MAST4: variants seen among roughly 807,000 people sequenced by gnomAD.
MAST4 encodes the protein microtubule-associated serine/threonine-protein kinase 4.
MAST4 carries 89 observed loss-of-function variants against 162.7 expected under a neutral mutation model. The observed-to-expected ratio is 0.55, with a 90% CI of 0.46 to 0.65. The LOEUF (loss-of-function observed/expected upper bound fraction) is 0.65. Among genes scored for constraint, MAST4 ranks in the 30% least tolerant of loss-of-function variants. The pLI is 0.00. For synonymous variants in MAST4, 1,479 were observed against 1,361.1 expected (o/e 1.09, Z -1.91); for missense variants, 3,153 against 3,374.0 (o/e 0.93, Z 1.62).
chr5:66,842,540 G>C (rs1580613761), intron 3 of MAST4, among the ~76,000 whole-genome samples: 1 of 151,976 alleles, frequency 6.6e-6, no homozygotes, highest in East Asian at 1.9e-4. Context: ...GGTAGCTCCT[G>C]GTATTGTATG....
At chr5:66,766,011 T>C (rs1484431750) in intron 2 of MAST4, among the ~76,000 whole-genome samples, 1 of 152,188 alleles carries the variant, frequency 6.6e-6, no homozygotes, top group Non-Finnish European at 1.5e-5. Context: ...TGACTGAGCT[T>C]TGGAGCCCCC....
At chr5:66,607,505 C>G (rs998949243) in intron 1 of MAST4, among the ~76,000 whole-genome samples, 2 of 152,080 alleles carry the variant, frequency 1.3e-5, no homozygotes, top group African/African-American at 4.8e-5. Flanking sequence ...GCATTTTTGG[C>G]CACATGTTAA....
chr5:66,825,833 G>T (rs1407156216), intron 3 of MAST4, among the ~76,000 whole-genome samples: 2 of 152,070 alleles, frequency 1.3e-5, no homozygotes, highest in Non-Finnish European at 2.9e-5. Flanking sequence ...CAGATTTTAT[G>T]ATTTGAATAC....
intron 5 of MAST4, among the ~76,000 whole-genome samples, chr5:67,059,888 C>T (rs1374111828): frequency 1.3e-5 from 2 of 152,064 alleles, no homozygotes; most frequent in Admixed American, 6.5e-5. Flanking sequence ...CTGCTTGTTT[C>T]GGGTAGGCAC....
At chr5:66,748,436 C>CCTCTCTCCCTCCCTCCCTCA (rs1752912023) in intron 1 of MAST4, among the ~76,000 whole-genome samples, 6 of 5,414 alleles carry the variant, frequency 1.1e-3, no homozygotes, top group Non-Finnish European at 1.8e-3. Flanking sequence ...TCCCTCCCTC[C>CCTCTCTCCCTCCCTCCCTCA]CTCCCTCTCT....
At chr5:66,982,567 T>C (rs1162653872) in intron 4 of MAST4, among the ~76,000 whole-genome samples, 1 of 152,140 alleles carries the variant, frequency 6.6e-6, no homozygotes, top group Non-Finnish European at 1.5e-5. Context: ...AAAAAGCACT[T>C]AAAGAGCTGA....
In MAST4 at chr5:66,596,847, G is replaced by T. The variant is rs751776165; in HGVS notation, c.192G>T (p.Pro64=). 1.5e-5 allele frequency: 19 copies of T among 1,296,372 alleles called. No individual in the cohort carries two copies. The highest frequency in any genetic ancestry group is 5.2e-4 in the Middle Eastern group (2 of 3,848). 80.3% of individuals were successfully genotyped at this position (1,296,372 alleles called of 1,614,324 possible). A position where few individuals can be genotyped will look rare whatever the true frequency, so the allele number is the denominator to read the frequency against. Residue 64 remains proline (P), a synonymous_variant, in exon 1 of 29, where the codon CCG becomes CCT. Transcript: ENST00000403625. ...GCTTCTCCAGAGAGCATCAGCCGCC[G>T]CCGCCGCCGCCGTTGGGAGGCACCC... ...PGGFSREHQP[P]PPPPLGGTLG...
rs1299215492 is a variant in MAST4 at position 67,160,533 on chromosome 5, C to G, written c.3726C>G (p.Ser1242Arg). 1.2e-6 allele frequency: 2 copies of G among 1,613,874 alleles called. No homozygotes were observed. The highest frequency in any genetic ancestry group is 1.7e-6 in the Non-Finnish European group (2 of 1,179,842). The stretch of plus-strand genomic sequence containing the variant: ...AAACTGGACCAGCCAGGAGAAACAG[C>G]TATAAGAGCCGGATGGTGAGGCGGA... Reference protein sequence around the residue: ...SIKTGPARRNSYKSRMVRRSK... With the variant: ...SIKTGPARRNRYKSRMVRRSK... The change falls in exon 27 of 29, where the codon AGC becomes AGG. Residue 1242 changes from serine (S) to arginine (R), a missense_variant. By Grantham distance (110) the Ser-to-Arg change is moderately radical (BLOSUM62 -1). Coordinates refer to ENST00000403625, the MANE Select transcript of MAST4 (RefSeq NM_001164664.2).
intron 2 of MAST4, among the ~76,000 whole-genome samples, chr5:66,770,852 G>C (rs1009044065): frequency 1.3e-5 from 2 of 152,204 alleles, no homozygotes; most frequent in African/African-American, 2.4e-5. Flanking sequence ...CTGAGTGTTA[G>C]TTAATGTTTT....
chr5:66,689,527 C>T (rs1748903381), intron 1 of MAST4, among the ~76,000 whole-genome samples: 1 of 152,116 alleles, frequency 6.6e-6, no homozygotes, highest in African/African-American at 2.4e-5. Context: ...CTTCGTAAAC[C>T]TACCAGTGCT....
intron 1 of MAST4, among the ~76,000 whole-genome samples, chr5:66,654,617 A>C (rs7708081): frequency 0.56 from 85,752 of 152,062 alleles, 24,354 homozygotes; most frequent in South Asian, 0.68. Flanking sequence ...TTATCAAATA[A>C]AAATTAAGAA....
At chr5:66,828,221 G>A (rs1176040935) in intron 3 of MAST4, among the ~76,000 whole-genome samples, 1 of 152,184 alleles carries the variant, frequency 6.6e-6, no homozygotes, top group Non-Finnish European at 1.5e-5. Context: ...ATGCTGGGAG[G>A]TGTAAAGGGT....
At chr5:67,091,699 A>T (rs1345793168) in intron 6 of MAST4, among the ~76,000 whole-genome samples, 1 of 152,210 alleles carries the variant, frequency 6.6e-6, no homozygotes, top group Non-Finnish European at 1.5e-5. Flanking sequence ...GACAGAAATC[A>T]CGGTATCTTA....
chr5:66,936,375 G>C (rs1242046853), intron 4 of MAST4, among the ~76,000 whole-genome samples: 3 of 152,196 alleles, frequency 2.0e-5, no homozygotes, highest in Non-Finnish European at 4.4e-5. Context: ...GTACGTCCCT[G>C]TGAAGAGACT....
At chr5:66,850,960 ATACATTTGAGAAATGTGTTCTCTTATAAT>A (rs561778058) in intron 3 of MAST4, among the ~76,000 whole-genome samples, 6,214 of 148,116 alleles carry the variant, frequency 0.042, 198 homozygotes, top group South Asian at 0.12. Context: ...AAAAAAATGC[ATACATTTGAGAAATGTGTTCTCTTATAAT>A]GGAGAGAGGG....
chr5:66,992,490 C>T (rs567288871), intron 4 of MAST4, among the ~76,000 whole-genome samples: 12 of 152,286 alleles, frequency 7.9e-5, no homozygotes, highest in African/African-American at 2.9e-4. Context: ...AGACTTTCCC[C>T]ATCACCTATA....
rs1455185883 is a variant in MAST4 at position 67,166,886 on chromosome 5, G to A, written c.7707G>A (p.Gln2569=). ...AAGGGAAGGACCCTGCCCCAGCCCAGCCTCCCCCAGCTAGGAAACAGAACG... is the reference window on the plus strand; with the variant it reads ...AAGGGAAGGACCCTGCCCCAGCCCAACCTCCCCCAGCTAGGAAACAGAACG... ...ETKGKDPAPA[Q]PPPARKQNVG... The change falls in exon 29 of 29, where the codon CAG becomes CAA. Residue 2569 remains glutamine, a synonymous_variant. Coordinates refer to ENST00000403625, the MANE Select transcript of MAST4 (RefSeq NM_001164664.2). The A allele has an allele frequency of 5.6e-6, 9 of 1,610,002 alleles. No homozygotes were observed. The highest frequency in any genetic ancestry group is 7.6e-6 in the Non-Finnish European group (9 of 1,178,518).
chr5:66,627,457 C>T (rs1409684406), intron 1 of MAST4, among the ~76,000 whole-genome samples: 1 of 152,148 alleles, frequency 6.6e-6, no homozygotes, highest in Non-Finnish European at 1.5e-5. Context: ...ATGTGATCAA[C>T]CATGTTCAGT....
intron 4 of MAST4, among the ~76,000 whole-genome samples, chr5:66,971,509 G>A (rs1747430724): frequency 6.6e-6 from 1 of 152,158 alleles, no homozygotes; most frequent in African/African-American, 2.4e-5. Flanking sequence ...CCGTTTGCAA[G>A]GAGCCCGGAC....
Sources: allele counts gnomAD v4.1 joint callset (sites outside exome capture counted in the v4.1 genomes callset), GRCh38; gene constraint gnomAD v4.1.1; transcripts MANE v1.5; gene names NCBI Gene and HGNC (gene_info 2026-07-23, HGNC 2026-07-21).